Variants in COPG1 observed in about 807,000 individuals in gnomAD.
COPG1 encodes the protein coat protein complex I subunit gamma 1, also known as coatomer subunit gamma-1.
COPG1 carries 29 observed loss-of-function variants against 102.8 expected under a neutral mutation model. That is an observed-to-expected ratio of 0.28 (90% CI 0.21 to 0.38). COPG1 has a LOEUF of 0.38. Ranked by LOEUF, COPG1 falls within the 10% of genes least tolerant of loss-of-function variation. The pLI is 1.00. For synonymous variants in COPG1, 406 were observed against 421.6 expected, an observed-to-expected ratio of 0.96 and a Z score of 0.45; for missense variants, 875 against 1,132.7, an observed-to-expected ratio of 0.77 and a Z score of 3.27.
At position 129,277,446 on chromosome 3, in the gene COPG1, T is replaced by C; in HGVS notation, c.*22T>C. The C allele has an allele frequency of 6.2e-7, 1 of 1,611,732 alleles. No homozygotes were observed. Among genetic ancestry groups the C allele is most frequent in the East Asian group, 2.2e-5 (1 of 44,854 alleles). Reference sequence around the variant, plus strand: ...ATAAGAGGCCAGCCTGCATAGGACCTCATACCCTTCCCCAACACTACCTGG... The same window carrying C: ...ATAAGAGGCCAGCCTGCATAGGACCCCATACCCTTCCCCAACACTACCTGG... On this transcript the variant is annotated 3_prime_UTR_variant, in exon 24 of 24. Coordinates refer to ENST00000314797, the MANE Select transcript of COPG1 (RefSeq NM_016128.4).
Position 129,267,067 on chromosome 3 carries a change from G to T in COPG1, c.1512G>T (p.Glu504Asp). 6.2e-7 allele frequency: 1 copy of T among 1,613,914 alleles called. No individual in the cohort carries two copies. The highest frequency in any genetic ancestry group is 8.5e-7 in the Non-Finnish European group (1 of 1,179,878). The change falls in exon 15 of 24, where the codon GAG (glutamate) becomes GAT (aspartate). Residue 504 changes from glutamate (E) to aspartate (D), a missense_variant. Coordinates refer to ENST00000314797, the MANE Select transcript of COPG1 (RefSeq NM_016128.4). ...CGAAGTTTGGAGCCCAGAATGAAGA[G>T]ATGTTACCCAGTATCTTGGTGTTGC... ...ALAKFGAQNE[E>D]MLPSILVLLK...
Position 129,266,222 on chromosome 3 carries a change from G to A in COPG1, c.1468+430G>A, listed in dbSNP as rs142863075. Among the ~76,000 whole-genome samples, 387 of 152,070 alleles carry A rather than the reference G, an allele frequency of 2.5e-3. 1 individual carries two copies. The highest frequency in any genetic ancestry group is 5.8e-3 in the South Asian group (28 of 4,814). ...CTTGACCTCATCATCTGCCCGCCTC[G>A]GCCTCCCAAAAGTGCTGGGATTACA... On this transcript the variant is annotated intron_variant, in intron 14 of 23. Coordinates refer to ENST00000314797, the MANE Select transcript of COPG1 (RefSeq NM_016128.4).
chr3:129,257,037 T>A (rs1378993562), intron 8 of COPG1, among the ~76,000 whole-genome samples: 1 of 152,170 alleles, frequency 6.6e-6, no homozygotes, highest in East Asian at 1.9e-4. Context: ...ACCTTCAGGG[T>A]TGTTGTGGGT....
chr3:129,264,079 T>C (rs2107676549), intron 13 of COPG1, 80 bp downstream of exon 13: 1 of 1,179,698 alleles, frequency 8.5e-7, no homozygotes, highest in Non-Finnish European at 1.3e-6. Flanking sequence ...TGCTCAGCTT[T>C]GTGCGTGTGC....
chr3:129,253,020 G>T, intron 5 of COPG1, 65 bp downstream of exon 5: 1 of 1,418,918 alleles, frequency 7.0e-7, no homozygotes, highest in East Asian at 2.3e-5. Flanking sequence ...TTTTTCTTGT[G>T]TGTACCAGAC....
At chr3:129,273,900 T>C (rs922883395) in intron 21 of COPG1, among the ~76,000 whole-genome samples, 8 of 152,216 alleles carry the variant, frequency 5.3e-5, no homozygotes, top group Non-Finnish European at 1.0e-4. Context: ...TCGGTGGAAC[T>C]AAGTACAGGA....
chr3:129,269,032 C>A (rs1303334569), intron 18 of COPG1, 32 bp downstream of exon 18: 6 of 1,595,742 alleles, frequency 3.8e-6, no homozygotes, highest in African/African-American at 1.3e-5. Context: ...ATGCTTGGGA[C>A]CTGGGCTTAG....
chr3:129,264,197 G>A (rs929052854), intron 13 of COPG1, among the ~76,000 whole-genome samples, 198 bp downstream of exon 13: 47 of 152,170 alleles, frequency 3.1e-4, no homozygotes, highest in African/African-American at 9.4e-4. Flanking sequence ...TAATAACTAT[G>A]ACTCACCAGC....
At chr3:129,254,590 C>G in intron 5 of COPG1, 78 bp from the exon 6 acceptor site, 1 of 1,048,752 alleles carries the variant, frequency 9.5e-7, no homozygotes, top group South Asian at 1.4e-5. Flanking sequence ...GTAATCTGGG[C>G]AAGGGTGGTG....
intron 5 of COPG1, among the ~76,000 whole-genome samples, chr3:129,253,829 G>A (rs1018397383): frequency 5.3e-5 from 8 of 151,722 alleles, no homozygotes; most frequent in Admixed American, 3.3e-4. Flanking sequence ...GTGAAACCCC[G>A]TTTCTACTAA....
At position 129,271,935 on chromosome 3, in the gene COPG1, CTGGGGCA is replaced by C. The variant is rs1303616121; in HGVS notation, c.1986+29_1986+35del. 5 of 1,610,990 alleles carry C rather than the reference CTGGGGCA, an allele frequency of 3.1e-6. No homozygotes were observed. In the African/African-American group the frequency reaches 6.7e-5, roughly 22 times the overall value. On this transcript the variant is annotated intron_variant, in intron 19 of 23. Coordinates refer to ENST00000314797, the MANE Select transcript of COPG1 (RefSeq NM_016128.4). This position sits in a 1 kb window ranked among gnomAD's most constrained non-coding sequence, Gnocchi z 4.7. ...GTGAGCAAGGTGGGCTGAGGCCCTG[CTGGGGCA>C]TGCGCCCAGGGAGTTGTCCCAGGTC... is the stretch of plus-strand genomic sequence containing the variant.
intron 2 of COPG1, among the ~76,000 whole-genome samples, chr3:129,251,687 C>T (rs1045183515): frequency 6.7e-6 from 1 of 150,228 alleles, no homozygotes; most frequent in Non-Finnish European, 1.5e-5. Context: ...CGCCCGGCCA[C>T]TTCTCTTTTT....
At position 129,260,420 on chromosome 3, in the gene COPG1, G is replaced by A. The variant is rs1207325737; in HGVS notation, c.939+20G>A. Reference sequence around the variant, plus strand: ...AATAAGGTAAGAGTCCAGCTTGGGGGTTGGAGGAAGCTGTCTGATCCAACT... The same window carrying A: ...AATAAGGTAAGAGTCCAGCTTGGGGATTGGAGGAAGCTGTCTGATCCAACT... On this transcript the variant is annotated intron_variant, in intron 11 of 23. Transcript: ENST00000314797. 8 of 1,611,946 alleles carry A rather than the reference G, an allele frequency of 5.0e-6. No homozygotes were observed. The South Asian group carries it at 5.5e-5, about 11-fold the overall frequency.
At chr3:129,272,780 TA>T in intron 20 of COPG1, 26 bp from the exon 21 acceptor site, 2 of 1,527,382 alleles carry the variant, frequency 1.3e-6, no homozygotes, top group African/African-American at 1.4e-5. Flanking sequence ...GGGGACATCC[TA>T]ACTACCCAGC....
rs1940246027 is a variant in COPG1, at chr3:129,275,382, G to C, written c.2494+90G>C. On this transcript the variant is annotated intron_variant, in intron 23 of 23. Transcript: ENST00000314797. The surrounding 1 kb of genome is among the most constrained non-coding windows in gnomAD (Gnocchi z 5.0). ...GGCTAAGGACTCCACTGTAAATATG[G>C]GGAGTCAAAATTCACAGCATTTAAA... 1 of 899,250 alleles carries C rather than the reference G, an allele frequency of 1.1e-6. No individual in the cohort carries two copies. The highest frequency in any genetic ancestry group is 2.4e-5 in the Admixed American group (1 of 42,422). The allele number at this position is 899,250 out of a possible 1,614,324, so 55.7% of individuals were successfully genotyped here.
At chr3:129,258,956 G>A (rs1017586421) in intron 10 of COPG1, among the ~76,000 whole-genome samples, 6 of 152,148 alleles carry the variant, frequency 3.9e-5, no homozygotes, top group African/African-American at 1.4e-4. Context: ...TGAGAAACCT[G>A]GATTCAAAGT....
Position 129,275,564 on chromosome 3 carries a change from C to T in COPG1, c.2494+272C>T, listed in dbSNP as rs545296581. ...TTATGGCTATAAAAGCTAATAGGAA[C>T]GCATTTCCTTTTTTTAACTCAAATG... On this transcript the variant is annotated intron_variant, in intron 23 of 23. Transcript: ENST00000314797. The surrounding 1 kb of genome is among the most constrained non-coding windows in gnomAD (Gnocchi z 5.0). Among the ~76,000 whole-genome samples, 18 of 152,114 alleles carry T rather than the reference C, an allele frequency of 1.2e-4. No individual in the cohort carries two copies. The highest frequency in any genetic ancestry group is 5.9e-4 in the Admixed American group (9 of 15,284).
intron 7 of COPG1, among the ~76,000 whole-genome samples, chr3:129,255,672 G>C (rs1434960326): frequency 6.7e-6 from 1 of 148,852 alleles, no homozygotes. Flanking sequence ...TGGTAGAGAC[G>C]TAGTTTCACC....
At chr3:129,276,821 TTC>T (rs1477581140) in intron 23 of COPG1, among the ~76,000 whole-genome samples, 3 of 134,236 alleles carry the variant, frequency 2.2e-5, no homozygotes, top group African/African-American at 9.6e-5. Flanking sequence ...GACAGTGACT[TTC>T]TTTTTTTTTT....
Sources: gnomAD v4.1 joint callset for allele counts (sites outside exome capture counted in the v4.1 genomes callset) on GRCh38, gnomAD v4.1.1 for gene constraint, Gnocchi (gnomAD v3.1) non-coding constraint, MANE v1.5 for transcripts, NCBI Gene and HGNC (gene_info 2026-07-23, HGNC 2026-07-21) for gene names.